The following SPMIP11 variants were observed in gnomAD, a reference collection of about 807,000 sequenced individuals.
SPMIP11 encodes the protein long intergenic non-protein coding RNA 935.
At chr12:48,738,635 T>C in the SPMIP11 span, among the ~76,000 whole-genome samples, 2 of 151,804 alleles carry the variant, frequency 1.3e-5, no homozygotes, top group Non-Finnish European at 2.9e-5. Flanking sequence ...CCGGGGTTCA[T>C]GCCATTCTCC....
the SPMIP11 span, among the ~76,000 whole-genome samples, chr12:48,754,697 G>A: frequency 0.015 from 2,272 of 152,016 alleles, 44 homozygotes; most frequent in African/African-American, 0.035. Context: ...TGATCCACCC[G>A]ACTAGGCCTC....
At chr12:48,748,889 A>G in the SPMIP11 span, among the ~76,000 whole-genome samples, 172 of 152,312 alleles carry the variant, frequency 1.1e-3, no homozygotes, top group Middle Eastern at 6.8e-3. Flanking sequence ...ATTTTTGACC[A>G]GATCCCATTT....
At chr12:48,748,017 T>TAGTCACTCTCCCAATCCTCAAGTCA in the SPMIP11 span, among the ~76,000 whole-genome samples, 1 of 152,276 alleles carries the variant, frequency 6.6e-6, no homozygotes, top group Non-Finnish European at 1.5e-5. Flanking sequence ...CATATTCCCC[T>TAGTCACTCTCCCAATCCTCAAGTCA]AGTCACTCTC....
At chr12:48,728,014 G>A in the SPMIP11 span, among the ~76,000 whole-genome samples, 17 of 150,628 alleles carry the variant, frequency 1.1e-4, no homozygotes, top group East Asian at 1.4e-3. Context: ...TCACACCACC[G>A]TACTCCAGCC....
chr12:48,751,809 G>A, the SPMIP11 span, among the ~76,000 whole-genome samples: 3 of 152,078 alleles, frequency 2.0e-5, no homozygotes, highest in Non-Finnish European at 4.4e-5. Flanking sequence ...GCTCACACCT[G>A]TAATCCCAGC....
the SPMIP11 span, chr12:48,770,835 C>T: frequency 5.6e-6 from 9 of 1,614,210 alleles, no homozygotes; most frequent in South Asian, 3.3e-5. Context: ...AGCCGCATGG[C>T]GTAGTCAGCC....
At chr12:48,761,060 T>C in the SPMIP11 span, among the ~76,000 whole-genome samples, 1 of 152,182 alleles carries the variant, frequency 6.6e-6, no homozygotes, top group African/African-American at 2.4e-5. Context: ...CATCTGGAAA[T>C]GGGAATAATA....
At chr12:48,729,707 T>TA in the SPMIP11 span, among the ~76,000 whole-genome samples, 2,021 of 112,402 alleles carry the variant, frequency 0.018, 39 homozygotes, top group African/African-American at 0.038. Context: ...AGACTCCGTC[T>TA]AAAAAAAAAA....
chr12:48,734,246 A>G, the SPMIP11 span, among the ~76,000 whole-genome samples: 1 of 152,002 alleles, frequency 6.6e-6, no homozygotes, highest in South Asian at 2.1e-4. Context: ...TTAGGAGTAC[A>G]GGTATTGTGA....
the SPMIP11 span, among the ~76,000 whole-genome samples, chr12:48,756,921 C>T: frequency 1.3e-5 from 2 of 151,912 alleles, no homozygotes; most frequent in East Asian, 3.9e-4. Flanking sequence ...GGATTACAGG[C>T]GTGAACACTA....
chr12:48,752,828 C>T, the SPMIP11 span, among the ~76,000 whole-genome samples: 1 of 151,992 alleles, frequency 6.6e-6, no homozygotes, highest in African/African-American at 2.4e-5. Context: ...CATGCGACCA[C>T]ACCCAGCTAA....
chr12:48,753,846 G>A, the SPMIP11 span, among the ~76,000 whole-genome samples: 2 of 151,930 alleles, frequency 1.3e-5, no homozygotes, highest in Non-Finnish European at 2.9e-5. Context: ...GGGACTACAG[G>A]TGTGTGCCAC....
At chr12:48,729,753 G>T in the SPMIP11 span, among the ~76,000 whole-genome samples, 2 of 150,868 alleles carry the variant, frequency 1.3e-5, no homozygotes, top group Non-Finnish European at 3.0e-5. Flanking sequence ...TCTTACACAG[G>T]CCTCCATTGG....
the SPMIP11 span, among the ~76,000 whole-genome samples, chr12:48,752,066 C>CAAAA: frequency 2.0e-5 from 2 of 101,806 alleles, no homozygotes; most frequent in Admixed American, 1.1e-4. Context: ...GACTCTGCCT[C>CAAAA]AAAAAAAAAA....
At chr12:48,733,312 T>A in the SPMIP11 span, among the ~76,000 whole-genome samples, 1 of 151,942 alleles carries the variant, frequency 6.6e-6, no homozygotes, top group Non-Finnish European at 1.5e-5. Context: ...TGACCTCAAG[T>A]GATCCTCCCA....
chr12:48,740,843 C>T, the SPMIP11 span, among the ~76,000 whole-genome samples: 7 of 151,734 alleles, frequency 4.6e-5, no homozygotes, highest in Non-Finnish European at 8.8e-5. Flanking sequence ...GCCCAGATCA[C>T]GCCACTGCAC....
the SPMIP11 span, among the ~76,000 whole-genome samples, chr12:48,751,879 C>T: frequency 6.6e-6 from 1 of 151,832 alleles, no homozygotes; most frequent in Admixed American, 6.6e-5. Flanking sequence ...CCAGCCTGGC[C>T]AACATGGTGA....
chr12:48,744,855 A>G, the SPMIP11 span, among the ~76,000 whole-genome samples: 1 of 152,060 alleles, frequency 6.6e-6, no homozygotes, highest in Non-Finnish European at 1.5e-5. Flanking sequence ...AAGAAAGCAG[A>G]AAGAAAAGGA....
At chr12:48,770,805 T>C in the SPMIP11 span, 1 of 1,614,104 alleles carries the variant, frequency 6.2e-7, no homozygotes, top group Non-Finnish European at 8.5e-7. Context: ...TGCTCATTGA[T>C]GTGCTTCATC....
Sources: gnomAD v4.1 joint callset for allele counts (sites outside exome capture counted in the v4.1 genomes callset) on GRCh38, gnomAD v4.1.1 for gene constraint, MANE v1.5 for transcripts, NCBI Gene and HGNC (gene_info 2026-07-23, HGNC 2026-07-21) for gene names.